CALN1: variants seen among roughly 807,000 people sequenced by gnomAD.
The protein encoded by CALN1 is calneuron 1.
CALN1 carries 17 observed loss-of-function variants against 30.6 expected under a neutral mutation model. That is an observed-to-expected ratio of 0.56 (90% CI 0.38 to 0.83). The LOEUF (loss-of-function observed/expected upper bound fraction) is 0.83. CALN1 is among the 40% of genes least tolerant of loss of function. The pLI is 0.00. For missense variants in CALN1, 291 were observed against 354.9 expected (o/e 0.82, Z 1.45); for synonymous variants, 156 against 131.4 (o/e 1.19, Z -1.28).
At chr7:72,366,263 T>C (rs1399424426) in intron 2 of CALN1, among the ~76,000 whole-genome samples, 1 of 152,132 alleles carries the variant, frequency 6.6e-6, no homozygotes, top group Non-Finnish European at 1.5e-5. Flanking sequence ...AACCTCCACC[T>C]CCCAGGTTCA....
At chr7:72,166,389 G>A (rs868217692) in intron 3 of CALN1, among the ~76,000 whole-genome samples, 8 of 152,108 alleles carry the variant, frequency 5.3e-5, no homozygotes, top group East Asian at 1.9e-4. Context: ...GTCTTGCAAC[G>A]GTGTTGCCCA....
intron 2 of CALN1, among the ~76,000 whole-genome samples, chr7:72,336,236 G>A (rs1802024272): frequency 6.6e-6 from 1 of 152,228 alleles, no homozygotes; most frequent in Admixed American, 6.5e-5. Flanking sequence ...CTCCGGCTTC[G>A]CGAAGAGACC....
At chr7:72,426,018 C>G (rs901593370) in intron 1 of CALN1, among the ~76,000 whole-genome samples, 8 of 152,252 alleles carry the variant, frequency 5.3e-5, no homozygotes, top group Non-Finnish European at 1.2e-4. Flanking sequence ...GCTGCTGCCT[C>G]TGATTGGGAG....
At chr7:72,344,110 T>C (rs1585545749) in intron 2 of CALN1, among the ~76,000 whole-genome samples, 1 of 152,226 alleles carries the variant, frequency 6.6e-6, no homozygotes, top group East Asian at 1.9e-4. Context: ...AGTGGCTTGA[T>C]TTCAGAAAGG....
chr7:72,340,977 A>T (rs1420432051), intron 2 of CALN1, among the ~76,000 whole-genome samples: 1 of 152,156 alleles, frequency 6.6e-6, no homozygotes, highest in Non-Finnish European at 1.5e-5. Flanking sequence ...GAGTCCATTA[A>T]ATCTTTCTTT....
At chr7:72,210,457 A>C (rs1792311908) in intron 3 of CALN1, among the ~76,000 whole-genome samples, 1 of 152,122 alleles carries the variant, frequency 6.6e-6, no homozygotes, top group African/African-American at 2.4e-5. Context: ...TCATACTGCT[A>C]CAAAGAACTG....
At chr7:72,187,801 C>T (rs1025059389) in intron 3 of CALN1, among the ~76,000 whole-genome samples, 1 of 152,168 alleles carries the variant, frequency 6.6e-6, no homozygotes, top group South Asian at 2.1e-4. Context: ...TACTGGCTCT[C>T]TCAGTGAATG....
At chr7:71,839,309 A>G (rs1055013895) in intron 5 of CALN1, among the ~76,000 whole-genome samples, 2 of 152,188 alleles carry the variant, frequency 1.3e-5, no homozygotes, top group African/African-American at 4.8e-5. Context: ...AGGCAGGCAC[A>G]TCACTTGATG....
chr7:72,360,752 G>A (rs13240571), intron 2 of CALN1, among the ~76,000 whole-genome samples: 55,518 of 149,988 alleles, frequency 0.37, 10,958 homozygotes, highest in Admixed American at 0.45. Flanking sequence ...TTTTGAGACA[G>A]AGTCTCCCCT....
intron 6 of CALN1, among the ~76,000 whole-genome samples, chr7:71,809,386 A>G (rs1279165975): frequency 6.7e-6 from 1 of 149,038 alleles, no homozygotes; most frequent in African/African-American, 2.5e-5. Context: ...GACAGCTACA[A>G]GACCAGGCAA....
intron 5 of CALN1, among the ~76,000 whole-genome samples, chr7:71,981,243 C>T (rs780807548): frequency 1.8e-4 from 27 of 152,124 alleles, no homozygotes; most frequent in Non-Finnish European, 3.2e-4. Flanking sequence ...TTTTCCCCTG[C>T]CCCCCTTTCA....
intron 4 of CALN1, among the ~76,000 whole-genome samples, chr7:72,103,557 G>A (rs905732927): frequency 3.3e-5 from 5 of 152,206 alleles, no homozygotes; most frequent in Non-Finnish European, 7.3e-5. Flanking sequence ...GCTACTTGGA[G>A]ATGTTAACCA....
chr7:71,894,135 C>A (rs112677097), intron 5 of CALN1, among the ~76,000 whole-genome samples: 78 of 152,220 alleles, frequency 5.1e-4, no homozygotes, highest in Middle Eastern at 3.4e-3. Flanking sequence ...GTGGAGTAAC[C>A]CTTAGTGATT....
At chr7:72,449,371 A>G (rs1247465620), upstream of CALN1, among the ~76,000 whole-genome samples, 1 of 152,118 alleles carries the variant, frequency 6.6e-6, no homozygotes. Context: ...AATGGCCACA[A>G]TCTCCCAGAT....
intron 5 of CALN1, among the ~76,000 whole-genome samples, chr7:72,019,727 G>A (rs1283851184): frequency 6.6e-6 from 1 of 152,156 alleles, no homozygotes; most frequent in Non-Finnish European, 1.5e-5. Flanking sequence ...CATCTTGGCT[G>A]CAACTGGATT....
intron 4 of CALN1, among the ~76,000 whole-genome samples, chr7:72,079,402 C>T (rs1804963888): frequency 1.3e-5 from 2 of 152,176 alleles, no homozygotes; most frequent in Admixed American, 6.5e-5. Context: ...CCAGGTCTTC[C>T]TGACCTGCTT....
chr7:72,317,933 T>C (rs1456957893), intron 2 of CALN1, among the ~76,000 whole-genome samples: 1 of 152,058 alleles, frequency 6.6e-6, no homozygotes, highest in East Asian at 1.9e-4. Context: ...ACCCCACCCT[T>C]TAGGAAAAAT....
intron 4 of CALN1, among the ~76,000 whole-genome samples, chr7:72,065,954 G>C (rs1017401558): frequency 6.6e-6 from 1 of 152,084 alleles, no homozygotes; most frequent in Non-Finnish European, 1.5e-5. Flanking sequence ...TACTTATTTT[G>C]ATATGATGCA....
At chr7:71,817,865 C>G (rs1447647398) in intron 5 of CALN1, among the ~76,000 whole-genome samples, 1 of 151,332 alleles carries the variant, frequency 6.6e-6, no homozygotes, top group Non-Finnish European at 1.5e-5. Context: ...TAATCTTTTT[C>G]TATAAACTTA....
Sources: allele counts gnomAD v4.1 joint callset (sites outside exome capture counted in the v4.1 genomes callset), GRCh38; gene constraint gnomAD v4.1.1; transcripts MANE v1.5; gene names NCBI Gene and HGNC (gene_info 2026-07-23, HGNC 2026-07-21).